CALN1: variants seen among roughly 807,000 people sequenced by gnomAD.
CALN1 encodes calneuron 1.
CALN1 carries 17 observed loss-of-function variants against 30.6 expected under a neutral mutation model. The ratio of observed to expected loss-of-function variants is 0.56; its 90% CI spans 0.38 to 0.83. The LOEUF (loss-of-function observed/expected upper bound fraction) is 0.83. Ranked by LOEUF, CALN1 falls within the 40% of genes least tolerant of loss-of-function variation. The probability of loss-of-function intolerance (pLI) is 0.00; values close to 1 mark genes in which losing one functional copy is unlikely to be tolerated. For synonymous variants in CALN1, 156 were observed against 131.4 expected (o/e 1.19, Z -1.28); for missense variants, 291 against 354.9 (o/e 0.82, Z 1.45).
chr7:72,367,093 GATT>G (rs1367848141), intron 2 of CALN1, among the ~76,000 whole-genome samples: 1 of 146,572 alleles, frequency 6.8e-6, no homozygotes, highest in Admixed American at 7.0e-5. Context: ...CATGCTTCAT[GATT>G]ATATTTTAAT....
At chr7:71,839,117 T>C (rs1457382400) in intron 5 of CALN1, among the ~76,000 whole-genome samples, 6 of 151,938 alleles carry the variant, frequency 3.9e-5, no homozygotes, top group Non-Finnish European at 7.3e-5. Flanking sequence ...GCCCATTTTA[T>C]CATTCTTGAG....
At chr7:72,261,688 G>C (rs2129552830) in intron 3 of CALN1, among the ~76,000 whole-genome samples, 1 of 152,220 alleles carries the variant, frequency 6.6e-6, no homozygotes, top group South Asian at 2.1e-4. Context: ...TCGGCCTCCA[G>C]AAGTGCTGGG....
chr7:72,231,410 T>C (rs990542710), intron 3 of CALN1, among the ~76,000 whole-genome samples: 89 of 152,346 alleles, frequency 5.8e-4, no homozygotes, highest in African/African-American at 1.9e-3. Flanking sequence ...TGCATTAGAC[T>C]GCTGAGGATA....
At chr7:72,358,367 TCAC>T (rs1803364519) in intron 2 of CALN1, among the ~76,000 whole-genome samples, 1 of 152,020 alleles carries the variant, frequency 6.6e-6, no homozygotes, top group South Asian at 2.1e-4. Flanking sequence ...ATTTCCTCGC[TCAC>T]TTCTCTGATT....
In CALN1 at chr7:72,357,468, T is replaced by A. The variant is rs542014732; in HGVS notation, c.119+45783A>T. On this transcript the variant is annotated intron_variant, in intron 2 of 6. Transcript: ENST00000395275. ...GCAAATTTCTTATCAAAGAAGAAAA[T>A]TAAAGGTAGAGAAAAGTGTGTGCTG... Among the ~76,000 whole-genome samples the A allele has an allele frequency of 3.6e-4, 55 of 151,806 alleles. 2 individuals carry two copies. The highest frequency in any genetic ancestry group is 1.3e-3 in the African/African-American group (52 of 41,214).
Position 72,226,962 on chromosome 7 carries a change from G to C in CALN1, c.244+51724C>G, listed in dbSNP as rs144360629. On this transcript the variant is annotated intron_variant, in intron 3 of 6. Coordinates refer to ENST00000395275, the MANE Select transcript of CALN1 (RefSeq NM_031468.4). ...AAGGCAGGAGAATCACTTGAACCCG[G>C]AAGACAGAGACTGCAGTGAGCTGAG... 2.1e-4 allele frequency among the ~76,000 whole-genome samples: 32 copies of C among 150,924 alleles called. 2 individuals are homozygous for C. The East Asian group carries it at 6.7e-3, about 32-fold the overall frequency.
chr7:72,491,985 C>T, the CALN1 span, among the ~76,000 whole-genome samples: 1 of 152,146 alleles, frequency 6.6e-6, no homozygotes, highest in African/African-American at 2.4e-5. Flanking sequence ...ACTATGGAGG[C>T]CAAACAAGGG....
At chr7:71,819,971 G>T (rs1213472945) in intron 5 of CALN1, among the ~76,000 whole-genome samples, 1 of 152,124 alleles carries the variant, frequency 6.6e-6, no homozygotes, top group Admixed American at 6.5e-5. Flanking sequence ...TGATGGGAAG[G>T]AAGAATTGAA....
intron 5 of CALN1, among the ~76,000 whole-genome samples, chr7:71,853,518 G>A (rs1318642623): frequency 1.3e-5 from 2 of 151,748 alleles, no homozygotes; most frequent in Non-Finnish European, 2.9e-5. Flanking sequence ...CACAATGTAT[G>A]ATAGATCTTT....
At chr7:72,157,580 A>G (rs534257914) in intron 3 of CALN1, among the ~76,000 whole-genome samples, 28 of 152,314 alleles carry the variant, frequency 1.8e-4, no homozygotes, top group Admixed American at 4.6e-4. Flanking sequence ...CAGGGGAAAA[A>G]AAAAACAGGG....
the CALN1 span, among the ~76,000 whole-genome samples, chr7:72,501,559 GGGAA>G: frequency 9.7e-3 from 1,063 of 109,394 alleles, 11 homozygotes; most frequent in African/African-American, 0.019. Context: ...GAGGGAGGGA[GGGAA>G]GAGAAGAAAG....
chr7:72,166,165 G>A (rs1442387272), intron 3 of CALN1, among the ~76,000 whole-genome samples: 2 of 152,094 alleles, frequency 1.3e-5, no homozygotes, highest in Admixed American at 1.3e-4. Context: ...TGTCTCAGGA[G>A]GTGAAGGTGT....
At chr7:72,218,899 A>G (rs930313743) in intron 3 of CALN1, among the ~76,000 whole-genome samples, 2 of 152,198 alleles carry the variant, frequency 1.3e-5, no homozygotes, top group Non-Finnish European at 2.9e-5. Flanking sequence ...TCTGGCCGGC[A>G]GGTAAAAAGT....
chr7:71,973,738 A>G (rs1797964377), intron 5 of CALN1, among the ~76,000 whole-genome samples: 1 of 152,104 alleles, frequency 6.6e-6, no homozygotes, highest in Non-Finnish European at 1.5e-5. Flanking sequence ...CTTCATCTCC[A>G]TTATCACTGA....
At chr7:72,083,527 C>A (rs376303381) in intron 4 of CALN1, among the ~76,000 whole-genome samples, 3 of 151,948 alleles carry the variant, frequency 2.0e-5, no homozygotes, top group African/African-American at 7.2e-5. Context: ...GAGGCTGCAT[C>A]GAGCTATGAT....
At chr7:72,069,241 G>A (rs776172306) in intron 4 of CALN1, among the ~76,000 whole-genome samples, 3 of 152,218 alleles carry the variant, frequency 2.0e-5, no homozygotes, top group South Asian at 2.1e-4. Flanking sequence ...ATGGGTCCCC[G>A]CTGCTCAGGC....
At chr7:72,282,608 G>A (rs1797804396) in intron 2 of CALN1, among the ~76,000 whole-genome samples, 1 of 152,176 alleles carries the variant, frequency 6.6e-6, no homozygotes, top group South Asian at 2.1e-4. Context: ...CCTGGAAGCA[G>A]AGAGCAGCTC....
At chr7:71,887,173 G>A (rs781782754) in intron 5 of CALN1, among the ~76,000 whole-genome samples, 1 of 152,110 alleles carries the variant, frequency 6.6e-6, no homozygotes, top group Non-Finnish European at 1.5e-5. Context: ...TGTGAGGTTG[G>A]CAAGACGGAT....
At chr7:71,896,406 G>A (rs566538434) in intron 5 of CALN1, among the ~76,000 whole-genome samples, 40 of 152,234 alleles carry the variant, frequency 2.6e-4, no homozygotes, top group African/African-American at 9.4e-4. Context: ...TTTAATAAAA[G>A]ATTAGGTTTC....
Sources: gnomAD v4.1 joint callset for allele counts (sites outside exome capture counted in the v4.1 genomes callset) on GRCh38, gnomAD v4.1.1 for gene constraint, MANE v1.5 for transcripts, NCBI Gene and HGNC (gene_info 2026-07-23, HGNC 2026-07-21) for gene names.